Variants in CPSF4L observed in about 807,000 individuals in gnomAD.
The protein encoded by CPSF4L is cleavage and polyadenylation specific factor 4 like.
CPSF4L carries 18 observed loss-of-function variants against 24.0 expected under a neutral mutation model. The observed-to-expected ratio is 0.75, with a 90% confidence interval of 0.52 to 1.11. The LOEUF is 1.11. CPSF4L is among the 50% of genes least tolerant of loss of function. CPSF4L has a pLI of 0.00. For synonymous variants in CPSF4L, 72 were observed against 77.2 expected (o/e 0.93, Z 0.35); for missense variants, 211 against 221.8 (o/e 0.95, Z 0.31).
At chr17:73,251,439 G>A (rs1456327685) in intron 5 of CPSF4L, among the ~76,000 whole-genome samples, 3 of 152,146 alleles carry the variant, frequency 2.0e-5, no homozygotes, top group Non-Finnish European at 4.4e-5. Context: ...AGCTGCCCCA[G>A]TGTTGGCGCT....
chr17:73,260,457 T>C (rs983927080), intron 2 of CPSF4L, among the ~76,000 whole-genome samples: 1 of 152,152 alleles, frequency 6.6e-6, no homozygotes, highest in African/African-American at 2.4e-5. Flanking sequence ...ATCCTTTGTC[T>C]ACCTGTAAGT....
chr17:73,255,293 G>C (rs1282564341), intron 3 of CPSF4L, among the ~76,000 whole-genome samples: 2 of 151,868 alleles, frequency 1.3e-5, no homozygotes, highest in East Asian at 3.9e-4. Flanking sequence ...GATCACCTGA[G>C]GTCAGGAGTT....
rs1307890052 is a variant in CPSF4L at position 73,257,840 on chromosome 17, A to G, written c.155-7T>C. On this transcript the variant is annotated splice_polypyrimidine_tract_variant and splice_region_variant and intron_variant, in intron 2 of 5. Coordinates refer to ENST00000344935, the MANE Select transcript of CPSF4L (RefSeq NM_001129885.1). ...CGGAAGGGGCAGAGTTTCCCTGGAG[A>G]TGCCAGAGCACCTGGCTGGGAGGCC... is the stretch of plus-strand genomic sequence containing the variant. The G allele has an allele frequency of 6.4e-7, 1 of 1,551,020 alleles. No homozygotes were observed. Among genetic ancestry groups the G allele is most frequent in the Non-Finnish European group, 8.7e-7 (1 of 1,146,824 alleles).
chr17:73,242,398 T>C, the CPSF4L span: 2 of 1,309,076 alleles, frequency 1.5e-6, no homozygotes, highest in East Asian at 2.5e-5. Context: ...GTTCTGGGCA[T>C]TTGGAAAAGT....
At chr17:73,258,673 G>A (rs2062032973) in intron 2 of CPSF4L, among the ~76,000 whole-genome samples, 1 of 152,086 alleles carries the variant, frequency 6.6e-6, no homozygotes, top group South Asian at 2.1e-4. Context: ...TCTGCCTGGA[G>A]TGCCATGCCC....
At chr17:73,245,724 C>G, downstream of CPSF4L, 1 of 985,360 alleles carries the variant, frequency 1.0e-6, no homozygotes, top group South Asian at 4.7e-5. Context: ...ATTCGAGTTG[C>G]AGGTAAGCCT....
At chr17:73,242,446 G>GA in the CPSF4L span, 1 of 770,202 alleles carries the variant, frequency 1.3e-6, no homozygotes, top group Non-Finnish European at 2.1e-6. Flanking sequence ...AAGAGGAGAG[G>GA]AAAAAAATGT....
At position 73,248,528 on chromosome 17, in the gene CPSF4L, C is replaced by T. The variant is rs1487084588; in HGVS notation, c.506G>A (p.Arg169Gln). Residue 169 changes from arginine to glutamine, a missense_variant, in exon 6 of 6, where the codon CGG (arginine) becomes CAG (glutamine). By Grantham distance (43) the Arg-to-Gln change is conservative (BLOSUM62 1). Coordinates refer to ENST00000344935, the MANE Select transcript of CPSF4L (RefSeq NM_001129885.1). ...GCTTCCAGGCAGCAGCTTGAATTCC[C>T]GAATCTTCCTGCAAGGTGCATACAA... ...GPKCQFAQKI[R>Q]EFKLLPGSKI 1.3e-5 allele frequency: 20 copies of T among 1,551,532 alleles called. No homozygotes were observed. Among genetic ancestry groups the T allele is most frequent in the African/African-American group, 2.7e-5 (2 of 73,034 alleles).
At position 73,259,289 on chromosome 17, in the gene CPSF4L, T is replaced by G. The variant is rs2062035878; in HGVS notation, c.155-1456A>C. On this transcript the variant is annotated intron_variant, in intron 2 of 5. Coordinates refer to ENST00000344935, the MANE Select transcript of CPSF4L (RefSeq NM_001129885.1). ...GAGTTTCTAAGCAGGTCCAGCCTCATGCCTGGCCAGTTCTCTGACATAATT... is the reference window on the plus strand; with the variant it reads ...GAGTTTCTAAGCAGGTCCAGCCTCAGGCCTGGCCAGTTCTCTGACATAATT... Among the ~76,000 whole-genome samples, 2 of 152,040 alleles carry G rather than the reference T, an allele frequency of 1.3e-5. 1 individual carries two copies. The highest frequency in any genetic ancestry group is 1.3e-4 in the Admixed American group (2 of 15,246).
chr17:73,253,352 A>G (rs893867374), intron 4 of CPSF4L, among the ~76,000 whole-genome samples: 3 of 152,094 alleles, frequency 2.0e-5, no homozygotes, highest in Non-Finnish European at 4.4e-5. Context: ...AGAAAGAAAA[A>G]AGCTAACCCC....
rs201463259 is a variant in CPSF4L at position 73,250,336 on chromosome 17, T to C, written c.498-1800A>G. 5.8e-3 allele frequency: 9,036 copies of C among 1,550,076 alleles called. 42 individuals are homozygous for C. The highest frequency in any genetic ancestry group is 0.013 in the Middle Eastern group (78 of 5,922). On this transcript the variant is annotated intron_variant, in intron 5 of 5. Coordinates refer to ENST00000344935, the MANE Select transcript of CPSF4L (RefSeq NM_001129885.1). ...CAGAAAAAGTGAATGGCATGACTTT[T>C]TGTAAATTCAGATTTCTAAAGATGT... is the stretch of plus-strand genomic sequence containing the variant.
intron 1 of CPSF4L, 76 bp downstream of exon 1, chr17:73,261,640 T>C (rs145660280): frequency 8.1e-5 from 83 of 1,022,428 alleles, no homozygotes; most frequent in Admixed American, 6.1e-4. Context: ...CAGCCTGGGC[T>C]ACAGAGCGAG....
intron 2 of CPSF4L, among the ~76,000 whole-genome samples, chr17:73,258,775 C>A (rs2062033493): frequency 6.6e-6 from 1 of 152,196 alleles, no homozygotes; most frequent in Admixed American, 6.5e-5. Flanking sequence ...GGGAGCGGGG[C>A]CAGGCTTTCC....
At position 73,252,776 on chromosome 17, in the gene CPSF4L, A is replaced by C. The variant is rs1271610265; in HGVS notation, c.404-53T>G. The C allele has an allele frequency of 4.6e-6, 6 of 1,318,014 alleles. No individual in the cohort carries two copies. In the Admixed American group the frequency reaches 1.3e-4, roughly 29 times the overall value. 81.6% of individuals were successfully genotyped at this position (1,318,014 alleles called of 1,614,324 possible). ...AGGATCCGCTTCAGCAAGAGGGGAAAACACACATGAAAAAGCTCCCTAGGA... is the reference window on the plus strand; with the variant it reads ...AGGATCCGCTTCAGCAAGAGGGGAACACACACATGAAAAAGCTCCCTAGGA... On this transcript the variant is annotated intron_variant, in intron 4 of 5. Transcript: ENST00000344935.
intron 4 of CPSF4L, 88 bp from the exon 5 acceptor site, chr17:73,252,811 A>G: frequency 3.6e-6 from 3 of 833,538 alleles, no homozygotes; most frequent in Non-Finnish European, 5.8e-6. Flanking sequence ...AAGGGTGTGG[A>G]TGGTCATAGG....
intron 1 of CPSF4L, among the ~76,000 whole-genome samples, chr17:73,261,470 G>C (rs931385369): frequency 4.6e-5 from 7 of 152,118 alleles, no homozygotes; most frequent in Admixed American, 4.6e-4. Flanking sequence ...GACCATCCTG[G>C]CTAACATGGT....
chr17:73,248,435 A>G (rs1426432471), downstream of CPSF4L: 4 of 1,454,620 alleles, frequency 2.7e-6, no homozygotes, highest in Non-Finnish European at 3.8e-6. Flanking sequence ...GGAGGGGGTA[A>G]AAGTCGTGTT....
At chr17:73,257,409 C>A (rs574225082) in intron 3 of CPSF4L, among the ~76,000 whole-genome samples, 1 of 151,170 alleles carries the variant, frequency 6.6e-6, no homozygotes, top group East Asian at 1.9e-4. Context: ...TGTGATGAAC[C>A]AAGAATGGGG....
the CPSF4L span, chr17:73,242,777 G>C: frequency 1.4e-6 from 1 of 696,336 alleles, no homozygotes; most frequent in Non-Finnish European, 2.4e-6. Flanking sequence ...AAATATGTGC[G>C]TGTAAATCTC....
Sources: gnomAD v4.1 joint callset for allele counts (sites outside exome capture counted in the v4.1 genomes callset) on GRCh38, gnomAD v4.1.1 for gene constraint, MANE v1.5 for transcripts, NCBI Gene and HGNC (gene_info 2026-07-23, HGNC 2026-07-21) for gene names.